The following TOX variants were observed in gnomAD, a reference collection of about 807,000 sequenced individuals.
The protein encoded by TOX is thymocyte selection-associated high mobility group box protein TOX.
A neutral mutation model predicts 53.7 loss-of-function variants in TOX; 11 were observed. The ratio of observed to expected loss-of-function variants is 0.20; its 90% confidence interval spans 0.13 to 0.34. The LOEUF (loss-of-function observed/expected upper bound fraction) is 0.34, where lower values mean the gene tolerates loss of function less well. Ranked by LOEUF, TOX falls within the 10% of genes least tolerant of loss-of-function variation. The pLI is 1.00. For synonymous variants in TOX, 225 were observed against 245.3 expected, an observed-to-expected ratio of 0.92 and a Z score of 0.77; for missense variants, 570 against 664.6, an observed-to-expected ratio of 0.86 and a Z score of 1.56.
At chr8:58,952,595 A>G (rs1191598473) in intron 2 of TOX, among the ~76,000 whole-genome samples, 3 of 152,204 alleles carry the variant, frequency 2.0e-5, no homozygotes, top group Non-Finnish European at 4.4e-5. Flanking sequence ...TCCTCCCTCC[A>G]ATGCCTAAAT....
chr8:59,045,834 C>T (rs138681611), intron 1 of TOX, among the ~76,000 whole-genome samples: 2,076 of 152,250 alleles, frequency 0.014, 27 homozygotes, highest in Middle Eastern at 0.075. Context: ...GGCAGAGTAC[C>T]TGTGATTATC....
Position 58,851,175 on chromosome 8 carries a change from TCTCTCTCTCTCACA to T in TOX, c.693+335_693+348del, listed in dbSNP as rs1810810682. On this transcript the variant is annotated intron_variant, in intron 4 of 8. Coordinates refer to ENST00000361421, the MANE Select transcript of TOX (RefSeq NM_014729.3). This position sits in a 1 kb window ranked among gnomAD's most constrained non-coding sequence, Gnocchi z 4.4. ...CTCTCTCTGTCTCTCTCTCTCTCTCTCTCTCTCTCTCACACACACACACACACACACACACACGA... is the reference window on the plus strand; with the variant it reads ...CTCTCTCTGTCTCTCTCTCTCTCTCTCACACACACACACACACACACACGA... 6.8e-6 allele frequency among the ~76,000 whole-genome samples: 1 copy of T among 146,298 alleles called. No homozygotes were observed. Among genetic ancestry groups the T allele is most frequent in the East Asian group, 2.0e-4 (1 of 4,960 alleles).
intron 3 of TOX, among the ~76,000 whole-genome samples, chr8:58,862,016 G>T (rs926073352): frequency 1.3e-5 from 2 of 152,044 alleles, no homozygotes; most frequent in Non-Finnish European, 2.9e-5. Flanking sequence ...ATACTTGTAT[G>T]CCCCAACTTA....
At chr8:58,978,570 G>A (rs781371446) in intron 1 of TOX, among the ~76,000 whole-genome samples, 1 of 151,756 alleles carries the variant, frequency 6.6e-6, no homozygotes, top group Non-Finnish European at 1.5e-5. Flanking sequence ...TAGCATATTG[G>A]TTAGTTTTTT....
At chr8:59,053,585 T>A (rs1238781926) in intron 1 of TOX, among the ~76,000 whole-genome samples, 2 of 152,208 alleles carry the variant, frequency 1.3e-5, no homozygotes, top group Admixed American at 6.5e-5. Context: ...TTTTATACCA[T>A]TTTTCTTTAA....
intron 1 of TOX, among the ~76,000 whole-genome samples, chr8:59,053,330 C>T (rs1285066357): frequency 6.6e-6 from 1 of 152,120 alleles, no homozygotes; most frequent in East Asian, 1.9e-4. Flanking sequence ...CCTGCTATCC[C>T]TACTGAAAAA....
At chr8:59,047,088 G>C (rs77477612) in intron 1 of TOX, among the ~76,000 whole-genome samples, 3,326 of 150,980 alleles carry the variant, frequency 0.022, 86 homozygotes, top group South Asian at 0.088. Context: ...AGAAGCAAGC[G>C]CTCCAGCTTT....
rs752815941 is a variant in TOX, at chr8:58,826,816, C to T, written c.1005+6G>A. On this transcript the variant is annotated splice_donor_region_variant and intron_variant, in intron 6 of 8. Coordinates refer to ENST00000361421, the MANE Select transcript of TOX (RefSeq NM_014729.3). ...TCCTTCACAATATCACACAACTGCA[C>T]GTTACCTTGGATACAAGGCTGGCTC... The T allele has an allele frequency of 7.5e-6, 12 of 1,601,654 alleles. No individual in the cohort carries two copies. Among genetic ancestry groups the T allele is most frequent in the Admixed American group, 5.2e-5 (3 of 57,354 alleles).
intron 4 of TOX, among the ~76,000 whole-genome samples, chr8:58,847,371 G>C (rs1203539176): frequency 5.3e-5 from 8 of 152,082 alleles, no homozygotes; most frequent in Non-Finnish European, 8.8e-5. Flanking sequence ...ACTCATTTGA[G>C]AAGGAACCAA....
chr8:59,027,610 C>T (rs1364916647), intron 1 of TOX, among the ~76,000 whole-genome samples: 3 of 152,076 alleles, frequency 2.0e-5, no homozygotes, highest in Non-Finnish European at 1.5e-5. Context: ...TTTCATGTTT[C>T]CTCTCATCAT....
At chr8:58,840,720 C>G (rs1810629429) in intron 4 of TOX, among the ~76,000 whole-genome samples, 1 of 152,182 alleles carries the variant, frequency 6.6e-6, no homozygotes, top group African/African-American at 2.4e-5. Context: ...CACAACCAAA[C>G]TCCTCCAAGT....
intron 2 of TOX, among the ~76,000 whole-genome samples, chr8:58,940,963 C>T (rs1812427286): frequency 6.6e-6 from 1 of 152,092 alleles, no homozygotes; most frequent in Admixed American, 6.6e-5. Flanking sequence ...TAGAGCAGCA[C>T]ATGTAGGTTA....
At position 58,812,437 on chromosome 8, in the gene TOX, G is replaced by T. The variant is rs1288134178; in HGVS notation, c.1392+2901C>A. On this transcript the variant is annotated intron_variant, in intron 7 of 8. Coordinates refer to ENST00000361421, the MANE Select transcript of TOX (RefSeq NM_014729.3). The stretch of plus-strand genomic sequence containing the variant: ...CCCCAGATTGGCTCTCCCAGCTAGA[G>T]TCCCCTTTCCTGGCTGCTGCTGTCT... Among the ~76,000 whole-genome samples, 7 of 152,216 alleles carry T rather than the reference G, an allele frequency of 4.6e-5. No individual in the cohort carries two copies. The East Asian group carries it at 1.2e-3, about 25-fold the overall frequency.
intron 5 of TOX, among the ~76,000 whole-genome samples, chr8:58,830,700 T>C (rs930577878): frequency 4.6e-5 from 7 of 152,156 alleles, no homozygotes; most frequent in African/African-American, 1.7e-4. Context: ...TAATCTCTAG[T>C]CATAGTTTAT....
chr8:58,919,288 C>T (rs1269351484), intron 3 of TOX, among the ~76,000 whole-genome samples: 1 of 70,424 alleles, frequency 1.4e-5, no homozygotes, highest in Non-Finnish European at 2.6e-5. Context: ...AGGCATCACA[C>T]TACCTGACTT....
At chr8:59,101,736 T>C (rs1324117333) in intron 1 of TOX, among the ~76,000 whole-genome samples, 1 of 152,086 alleles carries the variant, frequency 6.6e-6, no homozygotes, top group South Asian at 2.1e-4. Flanking sequence ...AACAAAAACT[T>C]CCAAAACCAG....
intron 1 of TOX, among the ~76,000 whole-genome samples, chr8:59,043,338 C>T (rs1803627842): frequency 1.3e-5 from 2 of 151,284 alleles, no homozygotes; most frequent in South Asian, 4.2e-4. Context: ...ATGGTAGAAT[C>T]TAGCTTTATT....
At chr8:59,037,959 C>A (rs1803501191) in intron 1 of TOX, among the ~76,000 whole-genome samples, 1 of 152,052 alleles carries the variant, frequency 6.6e-6, no homozygotes, top group Admixed American at 6.6e-5. Flanking sequence ...TAACATTACA[C>A]AGGACAATAA....
At chr8:59,054,003 G>T (rs365105) in intron 1 of TOX, among the ~76,000 whole-genome samples, 14 of 151,760 alleles carry the variant, frequency 9.2e-5, no homozygotes, top group East Asian at 1.9e-4. Context: ...AACTATATTG[G>T]AAAAAAATAT....
Sources: allele counts gnomAD v4.1 joint callset (sites outside exome capture counted in the v4.1 genomes callset), GRCh38; gene constraint gnomAD v4.1.1; non-coding constraint Gnocchi (gnomAD v3.1); transcripts MANE v1.5; gene names NCBI Gene and HGNC (gene_info 2026-07-23, HGNC 2026-07-21).